GRIK2: variants seen among roughly 807,000 people sequenced by gnomAD.
GRIK2 encodes glutamate ionotropic receptor kainate type subunit 2.
GRIK2 carries 32 observed loss-of-function variants against 100.3 expected under a neutral mutation model. The observed-to-expected ratio is 0.32, with a 90% confidence interval of 0.24 to 0.43. GRIK2 has a LOEUF of 0.43. Ranked by LOEUF, GRIK2 falls within the 20% of genes least tolerant of loss-of-function variation. GRIK2 has a pLI of 1.00. For missense variants in GRIK2, 843 were observed against 1,114.9 expected, an observed-to-expected ratio of 0.76 and a Z score of 3.47; for synonymous variants, 417 against 389.4, an observed-to-expected ratio of 1.07 and a Z score of -0.83.
chr6:102,065,732 C>A, intron 16 of GRIK2: 2 of 983,242 alleles, frequency 2.0e-6, no homozygotes, highest in Non-Finnish European at 3.0e-6. Context: ...TTTTAAATGT[C>A]AACGGGATCA....
At chr6:101,456,548 C>G (rs1467835346) in intron 2 of GRIK2, among the ~76,000 whole-genome samples, 1 of 151,922 alleles carries the variant, frequency 6.6e-6, no homozygotes, top group Non-Finnish European at 1.5e-5. Context: ...ATTGTACCTA[C>G]AAAATAATAC....
At chr6:101,687,599 T>C (rs1201156827) in intron 7 of GRIK2, among the ~76,000 whole-genome samples, 2 of 151,884 alleles carry the variant, frequency 1.3e-5, no homozygotes, top group Non-Finnish European at 2.9e-5. Context: ...ACAAATTGAG[T>C]GCCTTCATAG....
At chr6:101,797,332 A>G (rs1004991677) in intron 7 of GRIK2, among the ~76,000 whole-genome samples, 2 of 151,930 alleles carry the variant, frequency 1.3e-5, no homozygotes, top group African/African-American at 2.4e-5. Context: ...TTTGTTGTTT[A>G]TATAGTATGT....
chr6:101,466,335 A>T (rs1257467733), intron 2 of GRIK2, among the ~76,000 whole-genome samples: 2 of 151,078 alleles, frequency 1.3e-5, no homozygotes, highest in African/African-American at 4.8e-5. Context: ...ATAAATAAAA[A>T]GCTAATATGT....
At chr6:101,629,088 T>C (rs1856135) in intron 4 of GRIK2, among the ~76,000 whole-genome samples, 26,021 of 151,984 alleles carry the variant, frequency 0.17, 2,374 homozygotes, top group African/African-American at 0.25. Context: ...TTGAGGCAAA[T>C]ATAAATAGGG....
chr6:101,724,675 G>A (rs1003607316), intron 7 of GRIK2, among the ~76,000 whole-genome samples: 14 of 151,894 alleles, frequency 9.2e-5, no homozygotes, highest in African/African-American at 3.4e-4. Flanking sequence ...AGAGCATTTG[G>A]GTAGGTGAGG....
At chr6:101,916,508 C>T (rs946505578) in intron 12 of GRIK2, among the ~76,000 whole-genome samples, 3 of 151,536 alleles carry the variant, frequency 2.0e-5, no homozygotes, top group African/African-American at 7.3e-5. Context: ...TAGTATTCCT[C>T]TATAATTAGG....
chr6:101,776,636 T>C (rs1382207982), intron 7 of GRIK2, among the ~76,000 whole-genome samples: 1 of 152,208 alleles, frequency 6.6e-6, no homozygotes, highest in Non-Finnish European at 1.5e-5. Flanking sequence ...TAGCAGTCCT[T>C]CATTTAATAT....
At chr6:101,830,004 T>A (rs1459919075) in intron 10 of GRIK2, among the ~76,000 whole-genome samples, 1 of 152,014 alleles carries the variant, frequency 6.6e-6, no homozygotes, top group African/African-American at 2.4e-5. Context: ...GCCAGAGGCA[T>A]CACACTACCT....
chr6:101,662,655 A>C (rs1769713175), intron 4 of GRIK2, among the ~76,000 whole-genome samples: 1 of 151,984 alleles, frequency 6.6e-6, no homozygotes, highest in Non-Finnish European at 1.5e-5. Flanking sequence ...GGTGTTTTCT[A>C]TATGCTATTT....
intron 14 of GRIK2, among the ~76,000 whole-genome samples, chr6:101,990,501 T>A (rs1298380359): frequency 1.3e-5 from 2 of 151,622 alleles, no homozygotes; most frequent in African/African-American, 4.8e-5. Flanking sequence ...CCTCATCACT[T>A]GTAACTGCAC....
chr6:101,661,841 C>A (rs1239809815), intron 4 of GRIK2, among the ~76,000 whole-genome samples: 1 of 152,108 alleles, frequency 6.6e-6, no homozygotes, highest in African/African-American at 2.4e-5. Context: ...GAGCTGGGTA[C>A]CTCAGTTGGA....
chr6:102,051,589 A>G (rs571743124), intron 15 of GRIK2, among the ~76,000 whole-genome samples: 2 of 152,114 alleles, frequency 1.3e-5, no homozygotes, highest in Non-Finnish European at 2.9e-5. Context: ...TGAATTTTAG[A>G]CAAAATATTT....
intron 4 of GRIK2, 145 bp downstream of exon 4, chr6:101,626,782 C>A: frequency 1.6e-6 from 1 of 640,690 alleles, no homozygotes; most frequent in Non-Finnish European, 2.7e-6. Flanking sequence ...AATCAAACAC[C>A]AATCCTAATT....
intron 14 of GRIK2, among the ~76,000 whole-genome samples, chr6:102,023,208 T>G (rs1769522733): frequency 1.3e-5 from 2 of 151,528 alleles, no homozygotes; most frequent in South Asian, 4.1e-4. Context: ...TGAATAAAAT[T>G]CTTTGATTAA....
At chr6:101,996,059 T>C (rs2128493599) in intron 14 of GRIK2, among the ~76,000 whole-genome samples, 1 of 152,102 alleles carries the variant, frequency 6.6e-6, no homozygotes, top group Non-Finnish European at 1.5e-5. Context: ...CTGAGTAAAT[T>C]GTTTCAGATT....
intron 2 of GRIK2, among the ~76,000 whole-genome samples, chr6:101,604,526 A>G (rs1779360757): frequency 6.6e-6 from 1 of 151,934 alleles, no homozygotes; most frequent in African/African-American, 2.4e-5. Flanking sequence ...GGAATTTAAC[A>G]GAAGTAAATA....
chr6:101,569,195 GTTTTAA>G (rs1002986847), intron 2 of GRIK2, among the ~76,000 whole-genome samples: 14 of 151,938 alleles, frequency 9.2e-5, no homozygotes, highest in African/African-American at 3.1e-4. Flanking sequence ...CTCCCAGATA[GTTTTAA>G]TTTTAATTCA....
intron 2 of GRIK2, among the ~76,000 whole-genome samples, chr6:101,505,441 G>A (rs558664344): frequency 3.9e-5 from 6 of 152,180 alleles, no homozygotes; most frequent in African/African-American, 1.2e-4. Context: ...CTCCTTCAAT[G>A]TTTCAGGTGT....
Sources: gnomAD v4.1 joint callset for allele counts (sites outside exome capture counted in the v4.1 genomes callset) on GRCh38, gnomAD v4.1.1 for gene constraint, MANE v1.5 for transcripts, NCBI Gene and HGNC (gene_info 2026-07-23, HGNC 2026-07-21) for gene names.